BTD: variants seen among roughly 807,000 people sequenced by gnomAD.
BTD encodes the protein biocytinase.
In BTD, 13 loss-of-function variants were observed where a neutral mutation model predicts 17.7. The observed-to-expected ratio is 0.74, with a 90% CI of 0.48 to 1.17. BTD has a LOEUF of 1.17. BTD is among the 50% of genes most tolerant of loss of function. The probability of loss-of-function intolerance (pLI) is 0.00; values close to 1 mark genes in which losing one functional copy is unlikely to be tolerated. For synonymous variants in BTD, 240 were observed against 245.2 expected (o/e 0.98, Z 0.20); for missense variants, 674 against 650.4 (o/e 1.04, Z -0.39).
At chr3:15,701,393 C>T (rs1239978909) in intron 3 of BTD, among the ~76,000 whole-genome samples, 3 of 152,010 alleles carry the variant, frequency 2.0e-5, no homozygotes, top group African/African-American at 7.3e-5. Flanking sequence ...GCCTGTAATC[C>T]CAGCACTTTG....
rs1013405283 is a variant in BTD at position 15,651,714 on chromosome 3, G to A, written c.*6226G>A. On this transcript the variant is annotated 3_prime_UTR_variant, in exon 4 of 4. Transcript: ENST00000643237. ...AAGAGAATCTGGTTGGTGCTATCTA[G>A]AAGTCAGTGTTGGGGAGGTCACAGA... is the stretch of plus-strand genomic sequence containing the variant. 6.6e-6 allele frequency among the ~76,000 whole-genome samples: 1 copy of A among 152,224 alleles called. No individual in the cohort carries two copies. Among genetic ancestry groups the A allele is most frequent in the Non-Finnish European group, 1.5e-5 (1 of 68,044 alleles).
At chr3:15,660,874 T>G (rs1373345981) in intron 3 of BTD, among the ~76,000 whole-genome samples, 1 of 152,164 alleles carries the variant, frequency 6.6e-6, no homozygotes, top group Non-Finnish European at 1.5e-5. Flanking sequence ...GGAGTAGGAT[T>G]GCTGGATCAT....
downstream of BTD, among the ~76,000 whole-genome samples, chr3:15,715,463 A>T (rs749167931): frequency 2.0e-5 from 3 of 152,254 alleles, no homozygotes; most frequent in Non-Finnish European, 2.9e-5. Flanking sequence ...TTAGAACATC[A>T]TAAGTATCTA....
At chr3:15,676,100 C>G (rs2066907282) in intron 3 of BTD, 1 of 788,598 alleles carries the variant, frequency 1.3e-6, no homozygotes, top group African/African-American at 1.7e-5. Context: ...CCAAGAGGTA[C>G]AAACTCGAGA....
At chr3:15,690,786 C>T (rs182340690) in intron 3 of BTD, among the ~76,000 whole-genome samples, 146 of 152,138 alleles carry the variant, frequency 9.6e-4, no homozygotes, top group African/African-American at 2.4e-3. Flanking sequence ...CCGGGCTGGT[C>T]TCAAAATTCC....
intron 3 of BTD, among the ~76,000 whole-genome samples, chr3:15,689,062 G>A (rs1485683122): frequency 6.6e-6 from 1 of 152,146 alleles, no homozygotes; most frequent in Non-Finnish European, 1.5e-5. Context: ...TGTTTTAAGT[G>A]ATGATAGTCT....
chr3:15,658,036 T>G (rs914091064), downstream of BTD, among the ~76,000 whole-genome samples: 1 of 151,778 alleles, frequency 6.6e-6, no homozygotes, highest in African/African-American at 2.4e-5. Flanking sequence ...GGCATGGTGG[T>G]GCACACCTAT....
downstream of BTD, among the ~76,000 whole-genome samples, chr3:15,714,083 T>A (rs938186353): frequency 1.3e-5 from 2 of 152,198 alleles, no homozygotes; most frequent in Non-Finnish European, 2.9e-5. Flanking sequence ...TTTCTTGGAA[T>A]ATGCCTTGGA....
At chr3:15,683,095 C>T (rs187787601) in intron 3 of BTD, among the ~76,000 whole-genome samples, 1 of 152,246 alleles carries the variant, frequency 6.6e-6, no homozygotes, top group African/African-American at 2.4e-5. Context: ...AGCAACTCTC[C>T]AAAGGACAGT....
At chr3:15,624,562 T>TA (rs2065024030) in intron 1 of BTD, among the ~76,000 whole-genome samples, 1 of 152,210 alleles carries the variant, frequency 6.6e-6, no homozygotes, top group Admixed American at 6.5e-5. Flanking sequence ...TTTCTTTTTT[T>TA]ATTCTTTCTT....
chr3:15,604,720 T>C (rs2064391129), intron 1 of BTD, among the ~76,000 whole-genome samples: 1 of 152,204 alleles, frequency 6.6e-6, no homozygotes, highest in Non-Finnish European at 1.5e-5. Context: ...CCAGATACCC[T>C]AAATCATCTC....
chr3:15,702,678 T>C (rs753145737), intron 3 of BTD, among the ~76,000 whole-genome samples: 2 of 152,132 alleles, frequency 1.3e-5, no homozygotes, highest in African/African-American at 2.4e-5. Context: ...TTCAGACTGA[T>C]TCAAATTCAT....
intron 3 of BTD, chr3:15,677,677 TAAGTAC>T: frequency 3.3e-6 from 2 of 610,610 alleles, no homozygotes; most frequent in Non-Finnish European, 5.7e-6. Context: ...CACAAAAACT[TAAGTAC>T]AAGAAAAATA....
rs1553654190 is a variant in BTD, at chr3:15,645,331, C to T, written c.1415C>T (p.Thr472Ile). The change falls in exon 4 of 4, where the codon ACT (threonine) becomes ATT (isoleucine). Residue 472 changes from threonine to isoleucine, a missense_variant. Coordinates refer to ENST00000643237, the MANE Select transcript of BTD (RefSeq NM_001370658.1). ...FEFHLWGNFS[T>I]SYIFPLFLTS... ...TTTCACCTGTGGGGCAACTTCAGTA[C>T]TTCCTATATCTTTCCTTTGTTTCTG... 6.2e-7 allele frequency: 1 copy of T among 1,614,232 alleles called. No individual in the cohort carries two copies. The highest frequency in any genetic ancestry group is 8.5e-7 in the Non-Finnish European group (1 of 1,180,042).
chr3:15,644,546 C>T lies in BTD; in HGVS notation c.630C>T (p.Ile210=). ...ATGTTCCTCTTAAAGTGGATCTCAT[C>T]ACCTTTGATACCCCCTTTGCTGGCA... is the stretch of plus-strand genomic sequence containing the variant. ...AFDVPLKVDL[I]TFDTPFAGRF... The change falls in exon 4 of 4, where the codon ATC becomes ATT. Residue 210 remains isoleucine (I), a synonymous_variant. Transcript: ENST00000643237. 1 of 1,614,218 alleles carries T rather than the reference C, an allele frequency of 6.2e-7. No homozygotes were observed. Among genetic ancestry groups the T allele is most frequent in the East Asian group, 2.2e-5 (1 of 44,890 alleles).
chr3:15,703,334 T>C (rs1368701399), intron 3 of BTD, among the ~76,000 whole-genome samples: 2 of 152,208 alleles, frequency 1.3e-5, no homozygotes, highest in African/African-American at 2.4e-5. Context: ...AGTGTTGCTA[T>C]GGTCTAAATG....
At chr3:15,602,934 C>T (rs370388202) in intron 1 of BTD, among the ~76,000 whole-genome samples, 2 of 152,080 alleles carry the variant, frequency 1.3e-5, no homozygotes, top group Non-Finnish European at 2.9e-5. Flanking sequence ...CAAATGGCTA[C>T]GGAGGCCTCA....
At chr3:15,708,356 T>C (rs2071750700) in intron 3 of BTD, among the ~76,000 whole-genome samples, 1 of 152,162 alleles carries the variant, frequency 6.6e-6, no homozygotes, top group African/African-American at 2.4e-5. Context: ...ATAACCTTCA[T>C]ATTCTGCTCA....
chr3:15,707,997 C>T (rs765709585), intron 3 of BTD: 2 of 1,611,810 alleles, frequency 1.2e-6, no homozygotes, highest in South Asian at 1.1e-5. Context: ...TTCACACTTG[C>T]TCCTGATCCC....
Sources: allele counts gnomAD v4.1 joint callset (sites outside exome capture counted in the v4.1 genomes callset), GRCh38; gene constraint gnomAD v4.1.1; transcripts MANE v1.5; gene names NCBI Gene and HGNC (gene_info 2026-07-23, HGNC 2026-07-21).